Variants in DOK6 observed in about 807,000 individuals in gnomAD.
DOK6 encodes the protein docking protein 6.
In DOK6, 22 loss-of-function variants were observed where a neutral mutation model predicts 44.0. The ratio of observed to expected loss-of-function variants is 0.50; its 90% CI spans 0.36 to 0.71. The LOEUF (loss-of-function observed/expected upper bound fraction) is 0.71. Among genes scored for constraint, DOK6 ranks in the 30% least tolerant of loss-of-function variants. The pLI is 0.00. For synonymous variants in DOK6, 166 were observed against 145.5 expected, an observed-to-expected ratio of 1.14 and a Z score of -1.01; for missense variants, 340 against 416.4, an observed-to-expected ratio of 0.82 and a Z score of 1.60.
chr18:69,646,732 A>G (rs1985082674), intron 3 of DOK6, among the ~76,000 whole-genome samples: 1 of 152,108 alleles, frequency 6.6e-6, no homozygotes. Flanking sequence ...CCTCTGCTCT[A>G]GAGACAGGGT....
chr18:69,609,378 G>A (rs1984080567), intron 3 of DOK6, among the ~76,000 whole-genome samples: 2 of 152,056 alleles, frequency 1.3e-5, no homozygotes, highest in African/African-American at 4.8e-5. Context: ...TGGTCAACAG[G>A]TGTATGAAAG....
At chr18:69,504,864 T>C (rs1453875352) in intron 1 of DOK6, among the ~76,000 whole-genome samples, 2 of 152,232 alleles carry the variant, frequency 1.3e-5, no homozygotes, top group African/African-American at 4.8e-5. Context: ...ATCTCAGTTT[T>C]GTTACAGGAA....
At chr18:69,459,114 A>C (rs1979714265) in intron 1 of DOK6, among the ~76,000 whole-genome samples, 1 of 125,792 alleles carries the variant, frequency 7.9e-6, no homozygotes, top group Admixed American at 9.0e-5. Flanking sequence ...CCCCCCAAAA[A>C]AAAGGAAGGA....
At chr18:69,737,267 A>G (rs771120185) in intron 5 of DOK6, among the ~76,000 whole-genome samples, 1 of 152,226 alleles carries the variant, frequency 6.6e-6, no homozygotes, top group Non-Finnish European at 1.5e-5. Flanking sequence ...GAAACTTACC[A>G]TCATGGCAGA....
At chr18:69,447,207 A>C (rs1204591371) in intron 1 of DOK6, among the ~76,000 whole-genome samples, 2 of 152,178 alleles carry the variant, frequency 1.3e-5, no homozygotes, top group Non-Finnish European at 1.5e-5. Context: ...TTAAGTCTTT[A>C]ATCCATCTTG....
intron 7 of DOK6, among the ~76,000 whole-genome samples, chr18:69,821,200 T>C (rs1242384293): frequency 1.3e-5 from 2 of 152,166 alleles, no homozygotes; most frequent in African/African-American, 4.8e-5. Context: ...AATTGAAAGT[T>C]ACCGATAGGA....
At chr18:69,783,806 C>G (rs1041115656) in intron 7 of DOK6, among the ~76,000 whole-genome samples, 3 of 152,084 alleles carry the variant, frequency 2.0e-5, no homozygotes, top group Non-Finnish European at 4.4e-5. Flanking sequence ...CAATGAATAT[C>G]ATTTAATTTT....
intron 2 of DOK6, among the ~76,000 whole-genome samples, chr18:69,592,447 CT>C (rs1983644550): frequency 6.6e-6 from 1 of 152,000 alleles, no homozygotes; most frequent in African/African-American, 2.4e-5. Context: ...TGTGTTTCAT[CT>C]TTGTCTCTAC....
intron 7 of DOK6, among the ~76,000 whole-genome samples, chr18:69,783,857 T>G (rs1297784811): frequency 6.6e-6 from 1 of 152,200 alleles, no homozygotes; most frequent in East Asian, 1.9e-4. Context: ...GTTTCTAAAT[T>G]TATATTTAAA....
intron 2 of DOK6, among the ~76,000 whole-genome samples, chr18:69,597,576 TG>T (rs755058591): frequency 4.6e-5 from 7 of 152,186 alleles, no homozygotes; most frequent in Non-Finnish European, 1.0e-4. Context: ...GGGCTGCACT[TG>T]GGGAGCCATT....
At chr18:69,617,739 AGG>A (rs1491436340) in intron 3 of DOK6, among the ~76,000 whole-genome samples, 644 of 50,342 alleles carry the variant, frequency 0.013, no homozygotes, top group East Asian at 0.03. Flanking sequence ...AGGGGGAAGG[AGG>A]GAAGGAAGGA....
rs978715535 is a variant in DOK6 at position 69,576,508 on chromosome 18, A to T, written c.174+11914A>T. Among the ~76,000 whole-genome samples, 6 of 152,266 alleles carry T rather than the reference A, an allele frequency of 3.9e-5. No homozygotes were observed. In the East Asian group the frequency reaches 1.2e-3, roughly 29 times the overall value. On this transcript the variant is annotated intron_variant, in intron 2 of 7. Transcript: ENST00000382713. ...ATACAATTATTTCTTTACCAACTTTAACTTTGTGTTACGCCCTATCTGGAA... is the reference window on the plus strand; with the variant it reads ...ATACAATTATTTCTTTACCAACTTTTACTTTGTGTTACGCCCTATCTGGAA...
Position 69,678,362 on chromosome 18 carries a change from T to C in DOK6, c.409+509T>C, listed in dbSNP as rs1985971647. 3.3e-5 allele frequency among the ~76,000 whole-genome samples: 5 copies of C among 152,338 alleles called. No individual in the cohort carries two copies. In the South Asian group the frequency reaches 1.0e-3, roughly 32 times the overall value. ...ACAACCCGGGTCTCCTGGCTTCTTGTCTGTGGCATTGCCTTTTATCCTAAT... is the reference window on the plus strand; with the variant it reads ...ACAACCCGGGTCTCCTGGCTTCTTGCCTGTGGCATTGCCTTTTATCCTAAT... On this transcript the variant is annotated intron_variant, in intron 4 of 7. Transcript: ENST00000382713.
chr18:69,621,624 G>A (rs542489975), intron 3 of DOK6, among the ~76,000 whole-genome samples: 8 of 152,262 alleles, frequency 5.3e-5, no homozygotes, highest in East Asian at 1.9e-4. Flanking sequence ...GAATTGAAAA[G>A]ATCATGGGAT....
chr18:69,697,733 C>A (rs1410762064), intron 4 of DOK6, among the ~76,000 whole-genome samples: 2 of 152,126 alleles, frequency 1.3e-5, no homozygotes, highest in East Asian at 3.9e-4. Context: ...GGTTTGGAAT[C>A]ATTGCCTAAT....
intron 7 of DOK6, among the ~76,000 whole-genome samples, chr18:69,771,060 T>C (rs575944279): frequency 6.6e-6 from 1 of 152,154 alleles, no homozygotes; most frequent in East Asian, 1.9e-4. Flanking sequence ...GAAAATCTGA[T>C]GGAATTCCAA....
At chr18:69,527,967 T>C (rs1293771462) in intron 1 of DOK6, among the ~76,000 whole-genome samples, 4 of 151,826 alleles carry the variant, frequency 2.6e-5, no homozygotes, top group Non-Finnish European at 5.9e-5. Flanking sequence ...ATCGATACCA[T>C]CTTGGCTAAC....
At chr18:69,620,394 T>C (rs1194912130) in intron 3 of DOK6, among the ~76,000 whole-genome samples, 1 of 152,224 alleles carries the variant, frequency 6.6e-6, no homozygotes, top group Non-Finnish European at 1.5e-5. Context: ...AGCTAAAATA[T>C]GTCAATTCAC....
chr18:69,572,615 T>C (rs1983140721), intron 2 of DOK6, among the ~76,000 whole-genome samples: 1 of 151,942 alleles, frequency 6.6e-6, no homozygotes, highest in African/African-American at 2.4e-5. Context: ...AGAAGATAAT[T>C]AGCAATCCAA....
Sources: allele counts gnomAD v4.1 joint callset (sites outside exome capture counted in the v4.1 genomes callset), GRCh38; gene constraint gnomAD v4.1.1; transcripts MANE v1.5; gene names NCBI Gene and HGNC (gene_info 2026-07-23, HGNC 2026-07-21).